The following TBCD variants were observed in gnomAD, a reference collection of about 807,000 sequenced individuals.
The protein encoded by TBCD is tubulin folding cofactor D, also known as tubulin-specific chaperone D.
A neutral mutation model predicts 169.3 loss-of-function variants in TBCD; 105 were observed. That is an observed-to-expected ratio of 0.62 (90% CI 0.53 to 0.73). The LOEUF is 0.73. TBCD is among the 30% of genes least tolerant of loss of function. The probability of loss-of-function intolerance (pLI) is 0.00; values close to 1 mark genes in which losing one functional copy is unlikely to be tolerated. For synonymous variants in TBCD, 700 were observed against 643.9 expected (o/e 1.09, Z -1.32); for missense variants, 1,444 against 1,600.1 (o/e 0.90, Z 1.66).
intron 13 of TBCD, among the ~76,000 whole-genome samples, chr17:82,868,249 G>A (rs2057318022): frequency 6.6e-6 from 1 of 152,176 alleles, no homozygotes; most frequent in African/African-American, 2.4e-5. Flanking sequence ...GCTCTTCTGT[G>A]GGCACTGGGC....
intron 7 of TBCD, among the ~76,000 whole-genome samples, chr17:82,792,802 CT>C (rs998998160): frequency 2.0e-5 from 3 of 151,452 alleles, no homozygotes; most frequent in East Asian, 1.9e-4. Flanking sequence ...GTGAAATTAC[CT>C]TTTTTTTTGG....
chr17:82,911,440 C>T (rs754485774), intron 22 of TBCD, among the ~76,000 whole-genome samples: 12 of 152,164 alleles, frequency 7.9e-5, no homozygotes, highest in Non-Finnish European at 1.5e-4. Context: ...CTCTTTCTGG[C>T]ATCTGAGATT....
At chr17:82,791,518 AG>A (rs2049728847) in intron 7 of TBCD, among the ~76,000 whole-genome samples, 1 of 152,098 alleles carries the variant, frequency 6.6e-6, no homozygotes, top group Non-Finnish European at 1.5e-5. Context: ...GCCTTTGGGC[AG>A]GGGGCACACC....
At chr17:82,927,580 G>A (rs1348037638) in intron 29 of TBCD, among the ~76,000 whole-genome samples, 3 of 152,172 alleles carry the variant, frequency 2.0e-5, no homozygotes, top group South Asian at 2.1e-4. Flanking sequence ...GAGGGAGGAC[G>A]CGTCTTCAAT....
rs12937911 is a variant in TBCD, at chr17:82,913,588, T to G, written c.2038+1799T>G. ...TGAAGGCGTTCCGAGTCCCTGTAGCTGGCGGCGATGGAGTTGAATGCGTTC... is the reference window on the plus strand; with the variant it reads ...TGAAGGCGTTCCGAGTCCCTGTAGCGGGCGGCGATGGAGTTGAATGCGTTC... On this transcript the variant is annotated intron_variant, in intron 23 of 38. Transcript: ENST00000355528. 984 of 152,326 alleles carry G rather than the reference T, an allele frequency of 6.5e-3. 2 individuals are homozygous for G. The highest frequency in any genetic ancestry group is 9.7e-3 in the Non-Finnish European group (659 of 68,076). The allele number at this position is 152,326 out of a possible 1,614,324, so 9.4% of individuals were successfully genotyped here. A position where few individuals can be genotyped will look rare whatever the true frequency, so the allele number is the denominator to read the frequency against.
At chr17:82,757,159 C>A (rs181583844) in intron 2 of TBCD, among the ~76,000 whole-genome samples, 19 of 152,210 alleles carry the variant, frequency 1.2e-4, no homozygotes, top group Non-Finnish European at 1.9e-4. Context: ...GGCTTCATAG[C>A]CCAGTTTCAC....
chr17:82,800,405 G>C (rs1462542774), intron 8 of TBCD, among the ~76,000 whole-genome samples: 1 of 152,090 alleles, frequency 6.6e-6, no homozygotes, highest in Non-Finnish European at 1.5e-5. Context: ...CAAGCCACAG[G>C]AACCCCGTGG....
intron 6 of TBCD, among the ~76,000 whole-genome samples, chr17:82,773,022 C>T (rs1407559621): frequency 6.6e-6 from 1 of 152,134 alleles, no homozygotes; most frequent in Non-Finnish European, 1.5e-5. Context: ...ATAGACTGAG[C>T]GAACCTGTTT....
rs569247066 is a variant in TBCD at position 82,855,826 on chromosome 17, AG to A, written c.1319-14396del. Among the ~76,000 whole-genome samples, 497 of 152,246 alleles carry A rather than the reference AG, an allele frequency of 3.3e-3. 1 individual carries two copies. Among genetic ancestry groups the A allele is most frequent in the African/African-American group, 0.011 (465 of 41,554 alleles). ...GTATTCCCAACCCCTGGCACCTGCCAGGCTGTTTTCTGCCTCTACGTTTACT... is the reference window on the plus strand; with the variant it reads ...GTATTCCCAACCCCTGGCACCTGCCAGCTGTTTTCTGCCTCTACGTTTACT... On this transcript the variant is annotated intron_variant, in intron 13 of 38. Coordinates refer to ENST00000355528, the MANE Select transcript of TBCD (RefSeq NM_005993.5).
chr17:82,807,645 C>T lies in TBCD; in HGVS notation c.1125C>T (p.Val375=), dbSNP rs532222178. 1.5e-5 allele frequency: 23 copies of T among 1,553,670 alleles called. No homozygotes were observed. The African/African-American group carries it at 1.6e-4, about 11-fold the overall frequency. ...LLVGLKDKDT[V]VRWSAAKGIG... The stretch of plus-strand genomic sequence containing the variant: ...TCGGGCTGAAGGACAAGGACACGGT[C>T]GTGCGGTGGTCTGCAGCCAAGGGGT... The change falls in exon 11 of 39, where the codon GTC becomes GTT. Residue 375 remains valine, a synonymous_variant. Transcript: ENST00000355528.
chr17:82,901,492 T>C (rs1280979361), intron 18 of TBCD, among the ~76,000 whole-genome samples: 1 of 150,834 alleles, frequency 6.6e-6, no homozygotes, highest in African/African-American at 2.4e-5. Context: ...GCCGTGGTCC[T>C]GCTGCCTGGG....
chr17:82,758,404 T>TAAA, intron 2 of TBCD, among the ~76,000 whole-genome samples: 2 of 79,424 alleles, frequency 2.5e-5, no homozygotes, highest in East Asian at 8.3e-4. Context: ...AAAAAAAAAA[T>TAAA]AAATAAATAA....
rs2057862679 is a variant in TBCD, at chr17:82,874,942, G to T, written c.1475+4562G>T. The stretch of plus-strand genomic sequence containing the variant: ...GTAACAGTGGGTGCTTGGGATCAGA[G>T]CATCAGAGTGGAATTTTCGCAGGGA... On this transcript the variant is annotated intron_variant, in intron 14 of 38. Transcript: ENST00000355528. This position sits in a 1 kb window ranked among gnomAD's most constrained non-coding sequence, Gnocchi z 5.0. 6.6e-6 allele frequency among the ~76,000 whole-genome samples: 1 copy of T among 152,240 alleles called. No homozygotes were observed. Among genetic ancestry groups the T allele is most frequent in the Non-Finnish European group, 1.5e-5 (1 of 68,040 alleles).
At chr17:82,940,735 G>T (rs72861583) in intron 37 of TBCD, among the ~76,000 whole-genome samples, 15,451 of 152,142 alleles carry the variant, frequency 0.1, 1,040 homozygotes, top group South Asian at 0.25. Flanking sequence ...CTGCTCTGGA[G>T]ACCCGTTTTT....
At chr17:82,901,409 G>A (rs929055793) in intron 18 of TBCD, among the ~76,000 whole-genome samples, 1 of 152,204 alleles carries the variant, frequency 6.6e-6, no homozygotes, top group Non-Finnish European at 1.5e-5. Flanking sequence ...CAGAGTTGGT[G>A]TGATGTGGAG....
At chr17:82,917,662 G>C (rs968199334) in intron 23 of TBCD, among the ~76,000 whole-genome samples, 1 of 152,216 alleles carries the variant, frequency 6.6e-6, no homozygotes, top group Non-Finnish European at 1.5e-5. Flanking sequence ...TTGGGTTTTG[G>C]GACGTAGGAG....
intron 2 of TBCD, among the ~76,000 whole-genome samples, chr17:82,757,110 C>T (rs534945137): frequency 1.3e-5 from 2 of 152,162 alleles, no homozygotes; most frequent in South Asian, 2.1e-4. Context: ...TGGCAATAGT[C>T]ACCACGTTGA....
intron 36 of TBCD, chr17:82,939,122 T>C: frequency 1.8e-6 from 1 of 567,848 alleles, no homozygotes; most frequent in South Asian, 2.2e-5. Flanking sequence ...TAAACAAGAA[T>C]GATGTCATCT....
At chr17:82,817,322 A>G (rs2052007040) in intron 13 of TBCD, among the ~76,000 whole-genome samples, 1 of 151,734 alleles carries the variant, frequency 6.6e-6, no homozygotes, top group Non-Finnish European at 1.5e-5. Flanking sequence ...TTGAGACAGG[A>G]TCTCATTCCC....
Sources: gnomAD v4.1 joint callset for allele counts (sites outside exome capture counted in the v4.1 genomes callset) on GRCh38, gnomAD v4.1.1 for gene constraint, Gnocchi (gnomAD v3.1) non-coding constraint, MANE v1.5 for transcripts, NCBI Gene and HGNC (gene_info 2026-07-23, HGNC 2026-07-21) for gene names.